GAGE10: variants seen among roughly 807,000 people sequenced by gnomAD.
GAGE10 encodes G antigen 10.
GAGE10 carries 9 observed loss-of-function variants against 11.5 expected under a neutral mutation model. The observed-to-expected ratio is 0.78, with a 90% CI of 0.47 to 1.37. The LOEUF (loss-of-function observed/expected upper bound fraction) is 1.37. Among genes scored for constraint, GAGE10 ranks in the 40% most tolerant of loss-of-function variants. The probability of loss-of-function intolerance (pLI) is 0.00; values close to 1 mark genes in which losing one functional copy is unlikely to be tolerated. For synonymous variants in GAGE10, 23 were observed against 29.7 expected (o/e 0.77, Z 0.73); for missense variants, 83 against 92.9 (o/e 0.89, Z 0.44).
intron 2 of GAGE10, 142 bp from the exon 3 acceptor site, chrX:49,305,262 T>C: frequency 1.7e-6 from 2 of 1,170,373 alleles, no homozygotes; most frequent in Middle Eastern, 3.4e-4. Context: ...AGTAACCTTA[T>C]TGGGCATAGA....
intron 4 of GAGE10, among the ~76,000 whole-genome samples, chrX:49,319,309 G>C (rs1476872476): frequency 9.0e-6 from 1 of 110,713 alleles, no homozygotes; most frequent in Non-Finnish European, 1.9e-5. Context: ...TAAGACGGTA[G>C]ACACACATAC....
intron 3 of GAGE10, 78 bp from the exon 4 acceptor site, chrX:49,317,085 C>G: frequency 9.5e-7 from 1 of 1,054,956 alleles, no homozygotes; most frequent in Non-Finnish European, 1.3e-6. Flanking sequence ...TATAATAACA[C>G]CGAGAGCATG....
rs202030448 is a variant in GAGE10 at position 49,317,196 on chromosome X, T to A, written c.236T>A (p.Val79Asp). 1.2e-5 allele frequency: 14 copies of A among 1,206,844 alleles called. No individual in the cohort carries two copies. The highest frequency in any genetic ancestry group is 1.6e-5 in the Non-Finnish European group (14 of 892,060). Reference sequence around the variant, plus strand: ...CCTGAAGCTGATAGCCAGGAACAGGTTCACCCAAAGACTGGGTGTGAGTGT... The same window carrying A: ...CCTGAAGCTGATAGCCAGGAACAGGATCACCCAAAGACTGGGTGTGAGTGT... ...PKPEADSQEQ[V>D]HPKTGCECGD... The change falls in exon 4 of 5, where the codon GTT becomes GAT. Residue 79 changes from valine (V) to aspartate (D), a missense_variant. Physicochemically the swap from Val to Asp is radical, Grantham distance 152. Coordinates refer to ENST00000407599, the MANE Select transcript of GAGE10 (RefSeq NM_001098413.4).
In GAGE10 at chrX:49,317,149, T is replaced by A; in HGVS notation, c.203-14T>A. On this transcript the variant is annotated splice_polypyrimidine_tract_variant and intron_variant, in intron 3 of 4. Coordinates refer to ENST00000407599, the MANE Select transcript of GAGE10 (RefSeq NM_001098413.4). ...TTTTACTGCTTAAATTGATATGTAT[T>A]TTTTATTTTTAATGGCCGAAGCCTG... The A allele has an allele frequency of 8.4e-7, 1 of 1,193,584 alleles. No homozygotes were observed. The highest frequency in any genetic ancestry group is 1.8e-5 in the African/African-American group (1 of 56,990).
intron 3 of GAGE10, among the ~76,000 whole-genome samples, chrX:49,314,646 A>G (rs2066385504): frequency 8.9e-6 from 1 of 112,256 alleles, no homozygotes; most frequent in Admixed American, 9.5e-5. Context: ...AATGCGTCCA[A>G]CCCCGCAATT....
intron 1 of GAGE10, among the ~76,000 whole-genome samples, chrX:49,304,604 A>C (rs1309252429): frequency 3.6e-5 from 4 of 112,449 alleles, no homozygotes; most frequent in African/African-American, 1.3e-4. Context: ...CTGCGGGACC[A>C]AAAGAAATTT....
chrX:49,307,213 T>A (rs2066360353), intron 3 of GAGE10, among the ~76,000 whole-genome samples: 1 of 111,801 alleles, frequency 8.9e-6, no homozygotes. Context: ...CTTACCCTGC[T>A]TCCCACACAC....
intron 3 of GAGE10, among the ~76,000 whole-genome samples, chrX:49,311,031 C>T (rs150345033): frequency 0.013 from 1,457 of 111,102 alleles, 11 homozygotes; most frequent in Non-Finnish European, 0.019. Flanking sequence ...TGAGGAATGG[C>T]GGCTCTGTGA....
chrX:49,308,882 G>T (rs1486499973), intron 3 of GAGE10, among the ~76,000 whole-genome samples: 2 of 111,829 alleles, frequency 1.8e-5, no homozygotes, highest in Admixed American at 1.9e-4. Context: ...CCCAGGACAC[G>T]GGAGAGGCCC....
At chrX:49,305,370 ATTTT>A (rs1557123969) in intron 2 of GAGE10, 30 bp from the exon 3 acceptor site, 1 of 1,081,609 alleles carries the variant, frequency 9.2e-7, no homozygotes. Flanking sequence ...AACGAAACTT[ATTTT>A]TTATTTGCAC....
At chrX:49,316,847 T>C (rs782086874) in intron 3 of GAGE10, among the ~76,000 whole-genome samples, 1 of 111,200 alleles carries the variant, frequency 9.0e-6, no homozygotes, top group Non-Finnish European at 1.9e-5. Context: ...GTGTAAGTGC[T>C]GTGAGAGACA....
intron 3 of GAGE10, among the ~76,000 whole-genome samples, chrX:49,308,760 G>GGT (rs1208383336): frequency 9.0e-6 from 1 of 111,282 alleles, no homozygotes; most frequent in African/African-American, 3.3e-5. Flanking sequence ...GGAGTGTGTG[G>GGT]GTGTGTGTGT....
At chrX:49,309,697 A>G (rs1233608573) in intron 3 of GAGE10, among the ~76,000 whole-genome samples, 2 of 112,198 alleles carry the variant, frequency 1.8e-5, no homozygotes, top group African/African-American at 6.5e-5. Flanking sequence ...TGCAAGAACC[A>G]CAGGAGGGAA....
intron 1 of GAGE10, among the ~76,000 whole-genome samples, chrX:49,304,151 A>G (rs1424443650): frequency 8.9e-6 from 1 of 111,789 alleles, no homozygotes; most frequent in Non-Finnish European, 1.9e-5. Flanking sequence ...GACAGGTGCG[A>G]GGAGGGCGAT....
chrX:49,304,730 C>G (rs1302798754), intron 1 of GAGE10, 122 bp from the exon 2 acceptor site: 2 of 962,809 alleles, frequency 2.1e-6, no homozygotes, highest in Non-Finnish European at 2.9e-6. Flanking sequence ...ATGCTTAACT[C>G]TGGGACTTAT....
At chrX:49,316,163 ACTGC>A (rs1162955063) in intron 3 of GAGE10, among the ~76,000 whole-genome samples, 2 of 111,986 alleles carry the variant, frequency 1.8e-5, no homozygotes, top group African/African-American at 6.5e-5. Context: ...TTTAAAATTA[ACTGC>A]CTGTTTTTCC....
chrX:49,310,816 C>T (rs1225648562), intron 3 of GAGE10, among the ~76,000 whole-genome samples: 1 of 111,248 alleles, frequency 9.0e-6, no homozygotes, highest in South Asian at 3.8e-4. Flanking sequence ...GAAAAGAGAC[C>T]CTTTTGCAAA....
intron 3 of GAGE10, among the ~76,000 whole-genome samples, chrX:49,309,583 A>G (rs1446935377): frequency 1.8e-5 from 2 of 112,547 alleles, no homozygotes; most frequent in Non-Finnish European, 3.8e-5. Context: ...TTGTAACTCC[A>G]AAAGTAAAAA....
At chrX:49,304,134 G>A (rs1346158326) in intron 1 of GAGE10, among the ~76,000 whole-genome samples, 2 of 111,842 alleles carry the variant, frequency 1.8e-5, no homozygotes, top group African/African-American at 3.2e-5. Context: ...CCCTGAATGA[G>A]GTCCCGGACA....
Sources: gnomAD v4.1 joint callset for allele counts (sites outside exome capture counted in the v4.1 genomes callset) on GRCh38, gnomAD v4.1.1 for gene constraint, MANE v1.5 for transcripts, NCBI Gene and HGNC (gene_info 2026-07-23, HGNC 2026-07-21) for gene names.